The following SREK1IP1 variants were observed in gnomAD, a reference collection of about 807,000 sequenced individuals.
SREK1IP1 encodes protein SREK1IP1.
A neutral mutation model predicts 22.8 loss-of-function variants in SREK1IP1; 12 were observed. That is an observed-to-expected ratio of 0.53 (90% confidence interval 0.34 to 0.85). The LOEUF (loss-of-function observed/expected upper bound fraction) is 0.85. Ranked by LOEUF, SREK1IP1 falls within the 40% of genes least tolerant of loss-of-function variation. The pLI is 0.02. For synonymous variants in SREK1IP1, 53 were observed against 52.7 expected, an observed-to-expected ratio of 1.01 and a Z score of -0.02; for missense variants, 147 against 171.8, an observed-to-expected ratio of 0.86 and a Z score of 0.81.
intron 2 of SREK1IP1, among the ~76,000 whole-genome samples, chr5:64,749,351 T>C (rs569259880): frequency 6.6e-6 from 1 of 152,146 alleles, no homozygotes; most frequent in Admixed American, 6.5e-5. Flanking sequence ...CCCAGTTCAT[T>C]CCACCAAGCT....
intron 1 of SREK1IP1, among the ~76,000 whole-genome samples, chr5:64,762,677 T>C (rs1224039406): frequency 6.6e-6 from 1 of 152,158 alleles, no homozygotes; most frequent in Non-Finnish European, 1.5e-5. Flanking sequence ...CGTTAATTAA[T>C]AAGATAATTT....
chr5:64,742,231 G>C (rs529038189), intron 2 of SREK1IP1, among the ~76,000 whole-genome samples: 1 of 152,062 alleles, frequency 6.6e-6, no homozygotes, highest in East Asian at 1.9e-4. Context: ...ACTATTGATA[G>C]AAACGTAGGT....
At chr5:64,761,927 T>C (rs1422771755) in intron 1 of SREK1IP1, among the ~76,000 whole-genome samples, 1 of 152,038 alleles carries the variant, frequency 6.6e-6, no homozygotes, top group Admixed American at 6.6e-5. Context: ...CAGAAAATAT[T>C]GAGAAAACCA....
In SREK1IP1 at chr5:64,718,345, T is replaced by A; in HGVS notation, c.*6039A>T. On this transcript the variant is annotated 3_prime_UTR_variant, in exon 5 of 5. Transcript: ENST00000513458. ...GAACAGTGAGAAGTTTATGTCACAT[T>A]ACCAGCATTTCTCAACTTTCTGATA... The A allele has an allele frequency of 5.4e-6, 1 of 186,558 alleles. No homozygotes were observed. The highest frequency in any genetic ancestry group is 1.1e-5 in the Non-Finnish European group (1 of 92,098). 11.6% of individuals were successfully genotyped at this position (186,558 alleles called of 1,614,324 possible).
At chr5:64,741,308 T>C in intron 2 of SREK1IP1, 108 bp from the exon 3 acceptor site, 1 of 1,053,612 alleles carries the variant, frequency 9.5e-7, no homozygotes, top group Non-Finnish European at 1.4e-6. Flanking sequence ...ATTTCAATAA[T>C]ATAATGTAGA....
rs1177391575 is a variant in SREK1IP1 at position 64,718,333 on chromosome 5, T to C, written c.*6051A>G. ...TATCTCAGTGAAGAACAGTGAGAAG[T>C]TTATGTCACATTACCAGCATTTCTC... On this transcript the variant is annotated 3_prime_UTR_variant, in exon 5 of 5. Transcript: ENST00000513458. 2 of 200,412 alleles carry C rather than the reference T, an allele frequency of 1.0e-5. No individual in the cohort carries two copies. Among genetic ancestry groups the C allele is most frequent in the Non-Finnish European group, 9.9e-6 (1 of 101,418 alleles). 12.4% of individuals were successfully genotyped at this position (200,412 alleles called of 1,614,324 possible). A position where few individuals can be genotyped will look rare whatever the true frequency, so the allele number is the denominator to read the frequency against.
intron 3 of SREK1IP1, among the ~76,000 whole-genome samples, chr5:64,728,408 G>C (rs549036367): frequency 2.6e-5 from 4 of 152,086 alleles, no homozygotes; most frequent in Admixed American, 2.0e-4. Flanking sequence ...GTAAAAAAAT[G>C]CAAGTACCCC....
At chr5:64,738,838 T>C (rs1742509007) in intron 3 of SREK1IP1, among the ~76,000 whole-genome samples, 1 of 152,164 alleles carries the variant, frequency 6.6e-6, no homozygotes, top group African/African-American at 2.4e-5. Flanking sequence ...AAAATGAAGA[T>C]ATCTGAAAAC....
chr5:64,746,579 A>G (rs1008742507), intron 2 of SREK1IP1, among the ~76,000 whole-genome samples: 2 of 152,212 alleles, frequency 1.3e-5, no homozygotes, highest in Non-Finnish European at 2.9e-5. Context: ...AAGCACATGA[A>G]AAGATACTTA....
intron 4 of SREK1IP1, among the ~76,000 whole-genome samples, chr5:64,726,961 T>C (rs1462918476): frequency 2.0e-5 from 3 of 152,204 alleles, no homozygotes; most frequent in African/African-American, 7.2e-5. Context: ...TCAGATATCA[T>C]TTCCTGTGAG....
chr5:64,756,537 T>C (rs1742844837), intron 1 of SREK1IP1, among the ~76,000 whole-genome samples: 2 of 152,246 alleles, frequency 1.3e-5, no homozygotes, highest in Non-Finnish European at 2.9e-5. Flanking sequence ...TGTATGCACA[T>C]ATAGTTAAAA....
intron 1 of SREK1IP1, among the ~76,000 whole-genome samples, chr5:64,758,280 T>C (rs935534833): frequency 2.0e-5 from 3 of 152,162 alleles, no homozygotes; most frequent in African/African-American, 7.2e-5. Context: ...GTGATTCTCC[T>C]GCCTCAGCCT....
At chr5:64,764,904 T>C (rs567453263) in intron 1 of SREK1IP1, 2 of 152,360 alleles carry the variant, frequency 1.3e-5, no homozygotes, top group East Asian at 3.9e-4. Context: ...TATCATAATG[T>C]GTTTTAAAAA....
In SREK1IP1 at chr5:64,754,352, C is replaced by T. The variant is rs761062841; in HGVS notation, c.24G>A (p.Lys8=). Residue 8 remains lysine, a synonymous_variant, in exon 2 of 5, where the codon AAG becomes AAA. Coordinates refer to ENST00000513458, the MANE Select transcript of SREK1IP1 (RefSeq NM_173829.4). ...TTTTACAGCCTGCTCTGACACTGTCCTTGTTGCAACCTGAAATACAATTGG... is the reference window on the plus strand; with the variant it reads ...TTTTACAGCCTGCTCTGACACTGTCTTTGTTGCAACCTGAAATACAATTGG... The part of the protein sequence containing the change: MAVPGCN[K]DSVRAGCKKC... The T allele has an allele frequency of 1.4e-5, 23 of 1,613,596 alleles. No individual in the cohort carries two copies. The highest frequency in any genetic ancestry group is 1.9e-5 in the Non-Finnish European group (23 of 1,179,668).
At chr5:64,747,889 C>T (rs889986773) in intron 2 of SREK1IP1, among the ~76,000 whole-genome samples, 4 of 151,506 alleles carry the variant, frequency 2.6e-5, no homozygotes, top group Non-Finnish European at 4.4e-5. Flanking sequence ...GCCGAGATGG[C>T]GCCACTGCAC....
At chr5:64,752,000 G>A (rs572617007) in intron 2 of SREK1IP1, among the ~76,000 whole-genome samples, 1 of 152,068 alleles carries the variant, frequency 6.6e-6, no homozygotes, top group African/African-American at 2.4e-5. Flanking sequence ...AAACTATCAT[G>A]ATTATTTGAG....
At chr5:64,760,170 T>C (rs1278700895) in intron 1 of SREK1IP1, among the ~76,000 whole-genome samples, 1 of 152,186 alleles carries the variant, frequency 6.6e-6, no homozygotes, top group Non-Finnish European at 1.5e-5. Context: ...CGCTAAGATA[T>C]ACTGTAAAAA....
chr5:64,729,896 A>G (rs946675546), intron 3 of SREK1IP1, among the ~76,000 whole-genome samples: 1 of 152,218 alleles, frequency 6.6e-6, no homozygotes, highest in African/African-American at 2.4e-5. Flanking sequence ...ACATCCAAGT[A>G]GGTAACTGAA....
intron 2 of SREK1IP1, among the ~76,000 whole-genome samples, chr5:64,752,136 T>TTGTG: frequency 8.5e-6 from 1 of 117,326 alleles, no homozygotes; most frequent in Non-Finnish European, 1.6e-5. Flanking sequence ...TCTGTGAATT[T>TTGTG]TTTTTGTGTG....
Sources: gnomAD v4.1 joint callset for allele counts (sites outside exome capture counted in the v4.1 genomes callset) on GRCh38, gnomAD v4.1.1 for gene constraint, MANE v1.5 for transcripts, NCBI Gene and HGNC (gene_info 2026-07-23, HGNC 2026-07-21) for gene names.